Variants in ZFYVE9 observed in about 807,000 individuals in gnomAD.
ZFYVE9 encodes the protein zinc finger FYVE domain-containing protein 9.
ZFYVE9 carries 43 observed loss-of-function variants against 126.7 expected under a neutral mutation model. That is an observed-to-expected ratio of 0.34 (90% CI 0.27 to 0.44). The LOEUF is 0.44. Among genes scored for constraint, ZFYVE9 ranks in the 20% least tolerant of loss-of-function variants. The pLI, the probability that ZFYVE9 is intolerant of heterozygous loss-of-function variation, is 1.00. For synonymous variants in ZFYVE9, 521 were observed against 597.4 expected, an observed-to-expected ratio of 0.87 and a Z score of 1.87; for missense variants, 1,476 against 1,697.0, an observed-to-expected ratio of 0.87 and a Z score of 2.29.
At chr1:52,227,264 G>GTGATCTCGGCTCACT (rs1645179076) in intron 2 of ZFYVE9, among the ~76,000 whole-genome samples, 1 of 152,234 alleles carries the variant, frequency 6.6e-6, no homozygotes, top group Non-Finnish European at 1.5e-5. Flanking sequence ...GTCTGCAGTT[G>GTGATCTCGGCTCACT]GCAAGCTATT....
intron 13 of ZFYVE9, among the ~76,000 whole-genome samples, chr1:52,313,105 C>A (rs1040767503): frequency 1.3e-5 from 2 of 152,170 alleles, no homozygotes; most frequent in Non-Finnish European, 2.9e-5. Context: ...TTTCACAGCC[C>A]TCAGACGGAA....
intron 13 of ZFYVE9, among the ~76,000 whole-genome samples, chr1:52,328,093 G>T (rs908737764): frequency 3.5e-4 from 54 of 152,198 alleles, no homozygotes; most frequent in African/African-American, 1.2e-3. Flanking sequence ...ACTGTAGGAG[G>T]GAGGCAAGAT....
At chr1:52,181,198 T>G (rs1644698408) in intron 1 of ZFYVE9, among the ~76,000 whole-genome samples, 2 of 152,064 alleles carry the variant, frequency 1.3e-5, no homozygotes, top group South Asian at 4.2e-4. Context: ...TTCTCCTGCC[T>G]CAGCCTGCTG....
chr1:52,324,240 C>T (rs1028129499), intron 13 of ZFYVE9, among the ~76,000 whole-genome samples: 22 of 127,050 alleles, frequency 1.7e-4, no homozygotes, highest in African/African-American at 5.6e-4. Context: ...CAGAACAAGA[C>T]CCTGTCTCAA....
intron 1 of ZFYVE9, among the ~76,000 whole-genome samples, chr1:52,161,526 G>A (rs1644459932): frequency 6.6e-6 from 1 of 152,022 alleles, no homozygotes; most frequent in South Asian, 2.1e-4. Context: ...CTTGAGCTCA[G>A]GCAATCCGCC....
Position 52,239,330 on chromosome 1 carries a change from A to G in ZFYVE9, c.1913A>G (p.Asn638Ser), listed in dbSNP as rs773555990. The G allele has an allele frequency of 1.5e-5, 25 of 1,614,092 alleles. No homozygotes were observed. In the Middle Eastern group the frequency reaches 8.2e-4, roughly 53 times the overall value. Residue 638 changes from asparagine to serine, a missense_variant, in exon 4 of 19, where the codon AAC becomes AGC. Asn to Ser is a conservative substitution (Grantham distance 46). Coordinates refer to ENST00000287727, the MANE Select transcript of ZFYVE9 (RefSeq NM_004799.4). Reference sequence around the variant, plus strand: ...AATGTATGCAGTCCATCTTTGGGAAACATCTCTAATGTCGATACAAATGGG... The same window carrying G: ...AATGTATGCAGTCCATCTTTGGGAAGCATCTCTAATGTCGATACAAATGGG... The part of the protein sequence containing the change: ...ATNVCSPSLG[N>S]ISNVDTNGEH...
intron 15 of ZFYVE9, among the ~76,000 whole-genome samples, chr1:52,337,035 G>A (rs1646396501): frequency 6.7e-6 from 1 of 150,374 alleles, no homozygotes; most frequent in Admixed American, 6.6e-5. Context: ...ATGTGTTTAT[G>A]TGTCTGGCTT....
At chr1:52,289,635 C>A (rs1645898317) in intron 10 of ZFYVE9, among the ~76,000 whole-genome samples, 1 of 152,136 alleles carries the variant, frequency 6.6e-6, no homozygotes, top group African/African-American at 2.4e-5. Flanking sequence ...CAGATTAGGT[C>A]TTCAGATGAA....
chr1:52,327,470 C>T (rs987145185), intron 13 of ZFYVE9, among the ~76,000 whole-genome samples: 3 of 151,598 alleles, frequency 2.0e-5, no homozygotes, highest in African/African-American at 7.3e-5. Flanking sequence ...GGCGTGGTGG[C>T]GTGTGCCTGA....
chr1:52,211,051 A>G (rs748301271), intron 1 of ZFYVE9, among the ~76,000 whole-genome samples: 15 of 152,108 alleles, frequency 9.9e-5, no homozygotes, highest in Non-Finnish European at 1.6e-4. Context: ...GTAGAGATTC[A>G]TGGGGCAGAT....
In ZFYVE9 at chr1:52,337,702, C is replaced by T. The variant is rs114633378; in HGVS notation, c.3671-70C>T. ...GCAGAGCTAAGGTTTACATTTAACT[C>T]GGAGGAATTTGCTAGATGCCAGGTG... On this transcript the variant is annotated intron_variant, in intron 15 of 18. Coordinates refer to ENST00000287727, the MANE Select transcript of ZFYVE9 (RefSeq NM_004799.4). 2.0e-3 allele frequency: 3,081 copies of T among 1,557,012 alleles called. 49 individuals carry two copies. In the African/African-American group the frequency reaches 0.035, roughly 18 times the overall value.
rs764809480 is a variant in ZFYVE9 at position 52,239,056 on chromosome 1, T to A, written c.1639T>A (p.Leu547Ile). The change falls in exon 4 of 19, where the codon TTA (leucine) becomes ATA (isoleucine). Residue 547 changes from leucine (L) to isoleucine (I), a missense_variant. Physicochemically the swap from Leu to Ile is conservative, Grantham distance 5 (BLOSUM62 2). Coordinates refer to ENST00000287727, the MANE Select transcript of ZFYVE9 (RefSeq NM_004799.4). Reference protein sequence around the residue: ...STGDLMKKNYLHNFCSQVPSV... With the variant: ...STGDLMKKNYIHNFCSQVPSV... ...TGGTGACCTAATGAAGAAAAATTAT[T>A]TACATAATTTCTGTAGTCAAGTTCC... is the stretch of plus-strand genomic sequence containing the variant. 5 of 1,613,990 alleles carry A rather than the reference T, an allele frequency of 3.1e-6. No homozygotes were observed. In the African/African-American group the frequency reaches 6.7e-5, roughly 22 times the overall value.
chr1:52,233,782 T>A (rs1190660513), intron 3 of ZFYVE9, among the ~76,000 whole-genome samples: 1 of 152,178 alleles, frequency 6.6e-6, no homozygotes, highest in East Asian at 1.9e-4. Flanking sequence ...GATTCACTTC[T>A]TTTGTTTGTT....
intron 13 of ZFYVE9, among the ~76,000 whole-genome samples, chr1:52,315,953 G>T (rs992578625): frequency 2.6e-5 from 4 of 152,002 alleles, no homozygotes; most frequent in Non-Finnish European, 5.9e-5. Context: ...ATCACTTGAG[G>T]TCAGGAGTTC....
At chr1:52,145,876 G>T (rs1644301473) in intron 1 of ZFYVE9, among the ~76,000 whole-genome samples, 1 of 151,598 alleles carries the variant, frequency 6.6e-6, no homozygotes, top group Non-Finnish European at 1.5e-5. Context: ...CTTTATATAG[G>T]GTACACTTGT....
At chr1:52,225,172 A>G (rs1029186251) in intron 2 of ZFYVE9, among the ~76,000 whole-genome samples, 3 of 152,210 alleles carry the variant, frequency 2.0e-5, no homozygotes, top group Admixed American at 1.3e-4. Flanking sequence ...GCACAGAGTT[A>G]TCTGGTCACT....
In ZFYVE9 at chr1:52,337,824, A is replaced by C; in HGVS notation, c.3723A>C (p.Ala1241=). ...AGAACATGGATTCCTTGAGGCAGGC[A>C]CTGCGAGAGATGAAGGACTTCACCA... ...TAENMDSLRQ[A]LREMKDFTIT... The change falls in exon 16 of 19, where the codon GCA becomes GCC. Residue 1241 remains alanine (A), a synonymous_variant. Coordinates refer to ENST00000287727, the MANE Select transcript of ZFYVE9 (RefSeq NM_004799.4). 6.2e-7 allele frequency: 1 copy of C among 1,614,272 alleles called. No homozygotes were observed. The highest frequency in any genetic ancestry group is 8.5e-7 in the Non-Finnish European group (1 of 1,180,038).
chr1:52,168,911 G>GCAA (rs1644538641), intron 1 of ZFYVE9, among the ~76,000 whole-genome samples: 1 of 152,060 alleles, frequency 6.6e-6, no homozygotes, highest in Non-Finnish European at 1.5e-5. Context: ...GAAATAAGTG[G>GCAA]CAGTTGGCCG....
At chr1:52,144,266 C>G (rs970428556) in intron 1 of ZFYVE9, among the ~76,000 whole-genome samples, 3 of 152,042 alleles carry the variant, frequency 2.0e-5, no homozygotes, top group African/African-American at 7.2e-5. Context: ...TTGCAGTGAG[C>G]CAAGATTGGG....
Sources: allele counts gnomAD v4.1 joint callset (sites outside exome capture counted in the v4.1 genomes callset), GRCh38; gene constraint gnomAD v4.1.1; transcripts MANE v1.5; gene names NCBI Gene and HGNC (gene_info 2026-07-23, HGNC 2026-07-21).